The following KLHL29 variants were observed in gnomAD, a reference collection of about 807,000 sequenced individuals.
The protein encoded by KLHL29 is kelch like family member 29.
Under a neutral mutation model 80.4 loss-of-function variants are expected in KLHL29, and 21 were observed. That is an observed-to-expected ratio of 0.26 (90% CI 0.19 to 0.38). The LOEUF (loss-of-function observed/expected upper bound fraction) is 0.38. KLHL29 is among the 10% of genes least tolerant of loss of function. The pLI is 1.00. For synonymous variants in KLHL29, 511 were observed against 526.8 expected (o/e 0.97, Z 0.41); for missense variants, 867 against 1,223.9 (o/e 0.71, Z 4.35).
chr2:23,518,405 C>G (rs1253447448), intron 2 of KLHL29, among the ~76,000 whole-genome samples: 2 of 152,196 alleles, frequency 1.3e-5, no homozygotes, highest in Non-Finnish European at 2.9e-5. Flanking sequence ...GATTAGGGAG[C>G]AAGAGCCTGG....
rs545855768 is a variant in KLHL29, at chr2:23,596,432, G to A, written c.285+33951G>A. On this transcript the variant is annotated intron_variant, in intron 3 of 13. Coordinates refer to ENST00000486442, the MANE Select transcript of KLHL29 (RefSeq NM_052920.2). The surrounding 1 kb of genome is among the most constrained non-coding windows in gnomAD (Gnocchi z 4.4). ...CATCCCAGGGGAGAGGAAGGAACCC[G>A]TTTCATAAGCGCACTCACGTTGGAG... Among the ~76,000 whole-genome samples, 3 of 152,270 alleles carry A rather than the reference G, an allele frequency of 2.0e-5. No individual in the cohort carries two copies. Among genetic ancestry groups the A allele is most frequent in the Non-Finnish European group, 4.4e-5 (3 of 68,016 alleles).
intron 11 of KLHL29, among the ~76,000 whole-genome samples, chr2:23,701,793 C>CTTTTTTTTTT (rs70941586): frequency 3.1e-4 from 7 of 22,534 alleles, no homozygotes; most frequent in Non-Finnish European, 5.9e-4. Context: ...CTTTTTTTTG[C>CTTTTTTTTTT]TTTTTTTTTT....
chr2:23,438,944 C>A (rs939386456), intron 1 of KLHL29, among the ~76,000 whole-genome samples: 7 of 145,378 alleles, frequency 4.8e-5, no homozygotes, highest in African/African-American at 1.6e-4. Context: ...GGGTCCTGGA[C>A]TCTTTTTGGT....
intron 3 of KLHL29, among the ~76,000 whole-genome samples, chr2:23,619,105 A>T (rs1572443047): frequency 6.6e-6 from 1 of 152,150 alleles, no homozygotes; most frequent in South Asian, 2.1e-4. Context: ...TGCAGGTGGG[A>T]GGCTCCAGCT....
rs183627509 is a variant in KLHL29 at position 23,451,421 on chromosome 2, A to G, written c.-153-24139A>G. The stretch of plus-strand genomic sequence containing the variant: ...TTGTTTGTTTTCATTCCCACAGCAA[A>G]CATCAGTGGCAGTGTGGACAGCTCT... On this transcript the variant is annotated intron_variant, in intron 1 of 13. Transcript: ENST00000486442. Among the ~76,000 whole-genome samples, 432 of 152,220 alleles carry G rather than the reference A, an allele frequency of 2.8e-3. 4 individuals are homozygous for G. The highest frequency in any genetic ancestry group is 9.8e-3 in the African/African-American group (405 of 41,530).
Position 23,696,300 on chromosome 2 carries a change from G to A in KLHL29, c.1925-33G>A, listed in dbSNP as rs371694242. 1.5e-5 allele frequency: 23 copies of A among 1,547,526 alleles called. No homozygotes were observed. The highest frequency in any genetic ancestry group is 1.1e-4 in the South Asian group (9 of 83,860). On this transcript the variant is annotated intron_variant, in intron 10 of 13. Coordinates refer to ENST00000486442, the MANE Select transcript of KLHL29 (RefSeq NM_052920.2). The surrounding 1 kb of genome is among the most constrained non-coding windows in gnomAD (Gnocchi z 5.5). ...CTGACCCCAGGCCCCTCCTCACCCC[G>A]CCCGCTCTCTCTGCCTCCCACACTG...
At chr2:23,632,341 G>A (rs966201254) in intron 3 of KLHL29, among the ~76,000 whole-genome samples, 1 of 152,204 alleles carries the variant, frequency 6.6e-6, no homozygotes, top group Non-Finnish European at 1.5e-5. Flanking sequence ...TGCCTTCCTG[G>A]GGCTTCACCT....
At chr2:23,404,636 G>A (rs541722081) in intron 1 of KLHL29, among the ~76,000 whole-genome samples, 2 of 152,334 alleles carry the variant, frequency 1.3e-5, no homozygotes, top group East Asian at 3.9e-4. Context: ...AGGCCTGGGG[G>A]AAGGAGAGTG....
At chr2:23,472,459 C>A (rs937152074) in intron 1 of KLHL29, among the ~76,000 whole-genome samples, 3 of 152,132 alleles carry the variant, frequency 2.0e-5, no homozygotes, top group Non-Finnish European at 2.9e-5. Context: ...CATGATGAAA[C>A]CCTGTCTCTA....
chr2:23,429,836 T>C (rs1663121038), intron 1 of KLHL29, among the ~76,000 whole-genome samples: 1 of 152,154 alleles, frequency 6.6e-6, no homozygotes, highest in African/African-American at 2.4e-5. Flanking sequence ...CCCTTTCCCT[T>C]CCAACAGCTA....
At chr2:23,495,354 G>A (rs748152278) in intron 2 of KLHL29, among the ~76,000 whole-genome samples, 10 of 152,140 alleles carry the variant, frequency 6.6e-5, no homozygotes, top group African/African-American at 1.4e-4. Context: ...GGTGAGGTGG[G>A]TCCAGGTCAT....
In KLHL29 at chr2:23,423,007, A is replaced by C. The variant is rs1662867607; in HGVS notation, c.-154+37227A>C. Among the ~76,000 whole-genome samples the C allele has an allele frequency of 3.9e-5, 6 of 152,216 alleles. 1 individual carries two copies. The South Asian group carries it at 1.2e-3, about 31-fold the overall frequency. On this transcript the variant is annotated intron_variant, in intron 1 of 13. Coordinates refer to ENST00000486442, the MANE Select transcript of KLHL29 (RefSeq NM_052920.2). ...AGAAAATGCAAACTCAAGTCATTCA[A>C]CAAAAGCAGCCCTTGAATGGGTCTT...
At position 23,582,669 on chromosome 2, in the gene KLHL29, C is replaced by T. The variant is rs531301273; in HGVS notation, c.285+20188C>T. 1.5e-3 allele frequency among the ~76,000 whole-genome samples: 229 copies of T among 152,276 alleles called. 1 individual carries two copies. Among genetic ancestry groups the T allele is most frequent in the African/African-American group, 5.1e-3 (213 of 41,550 alleles). Reference sequence around the variant, plus strand: ...TGAACTTGCTACAATTTCCCAGTTCCACTCCCCATCCCATCCAGGTAGGGA... The same window carrying T: ...TGAACTTGCTACAATTTCCCAGTTCTACTCCCCATCCCATCCAGGTAGGGA... On this transcript the variant is annotated intron_variant, in intron 3 of 13. Transcript: ENST00000486442.
chr2:23,622,482 A>G (rs1248877806), intron 3 of KLHL29, among the ~76,000 whole-genome samples: 2 of 152,208 alleles, frequency 1.3e-5, no homozygotes, highest in African/African-American at 4.8e-5. Flanking sequence ...ACCTAATCAC[A>G]AAGGATGGAC....
intron 1 of KLHL29, among the ~76,000 whole-genome samples, chr2:23,425,731 G>C (rs1484678593): frequency 6.6e-6 from 1 of 152,212 alleles, no homozygotes. Context: ...GGTGTACTGG[G>C]TGCAGGCGAC....
chr2:23,699,675 C>T (rs1558449274), intron 11 of KLHL29, among the ~76,000 whole-genome samples: 2 of 152,296 alleles, frequency 1.3e-5, no homozygotes, highest in South Asian at 2.1e-4. Flanking sequence ...CTGTTCAACC[C>T]AACCGTTTGC....
chr2:23,602,521 G>T (rs1668597325), intron 3 of KLHL29, among the ~76,000 whole-genome samples: 1 of 152,148 alleles, frequency 6.6e-6, no homozygotes, highest in Non-Finnish European at 1.5e-5. Flanking sequence ...CCACAACAGG[G>T]GTAGGGGGTC....
chr2:23,589,912 C>T (rs1462431834), intron 3 of KLHL29, among the ~76,000 whole-genome samples: 1 of 152,242 alleles, frequency 6.6e-6, no homozygotes, highest in African/African-American at 2.4e-5. Context: ...CACTGAACAA[C>T]TGTCAACGTC....
intron 2 of KLHL29, among the ~76,000 whole-genome samples, chr2:23,558,821 G>T (rs1223988252): frequency 6.6e-6 from 1 of 152,250 alleles, no homozygotes; most frequent in African/African-American, 2.4e-5. Flanking sequence ...CTCTCTGGAA[G>T]TGCTCAGCAA....
Sources: gnomAD v4.1 joint callset for allele counts (sites outside exome capture counted in the v4.1 genomes callset) on GRCh38, gnomAD v4.1.1 for gene constraint, Gnocchi (gnomAD v3.1) non-coding constraint, MANE v1.5 for transcripts, NCBI Gene and HGNC (gene_info 2026-07-23, HGNC 2026-07-21) for gene names.